The following PCBP4 variants were observed in gnomAD, a reference collection of about 807,000 sequenced individuals.
PCBP4 encodes the protein poly(rC)-binding protein 4.
Under a neutral mutation model 46.2 loss-of-function variants are expected in PCBP4, and 24 were observed. The observed-to-expected ratio is 0.52, with a 90% CI of 0.38 to 0.73. The LOEUF (loss-of-function observed/expected upper bound fraction) is 0.73, where lower values mean the gene tolerates loss of function less well. PCBP4 is among the 30% of genes least tolerant of loss of function. The pLI, the probability that PCBP4 is intolerant of heterozygous loss-of-function variation, is 0.00. For synonymous variants in PCBP4, 203 were observed against 224.4 expected, an observed-to-expected ratio of 0.90 and a Z score of 0.85; for missense variants, 407 against 537.0, an observed-to-expected ratio of 0.76 and a Z score of 2.39.
chr3:51,960,760 G>C lies in PCBP4; in HGVS notation c.138+106C>G. ...AAGGCTCAAAACTGCCACCCTCTGG[G>C]GGACTCACTGGTCAGCCCAGAAGGA... is the stretch of plus-strand genomic sequence containing the variant. On this transcript the variant is annotated intron_variant, in intron 5 of 13. Coordinates refer to ENST00000461554, the MANE Select transcript of PCBP4 (RefSeq NM_001174100.2). This position sits in a 1 kb window ranked among gnomAD's most constrained non-coding sequence, Gnocchi z 5.0. The C allele has an allele frequency of 6.8e-7, 1 of 1,476,556 alleles. No homozygotes were observed. Among genetic ancestry groups the C allele is most frequent in the Non-Finnish European group, 9.5e-7 (1 of 1,055,274 alleles). 91.5% of individuals were successfully genotyped at this position (1,476,556 alleles called of 1,614,324 possible).
chr3:51,960,371 C>A lies in PCBP4; in HGVS notation c.256-51G>T. On this transcript the variant is annotated intron_variant, in intron 6 of 13. Transcript: ENST00000461554. This position sits in a 1 kb window ranked among gnomAD's most constrained non-coding sequence, Gnocchi z 5.0. ...CCATGCTCGTCCCTGCTATATCTGC[C>A]CAGGGGTCAGGAGGGTACCCTTTCC... is the stretch of plus-strand genomic sequence containing the variant. The A allele has an allele frequency of 1.3e-6, 2 of 1,597,274 alleles. No individual in the cohort carries two copies. The highest frequency in any genetic ancestry group is 1.1e-5 in the South Asian group (1 of 88,546).
Position 51,958,496 on chromosome 3 carries a change from G to A in PCBP4, c.924-147C>T. 4.5e-6 allele frequency: 3 copies of A among 664,694 alleles called. No homozygotes were observed. The highest frequency in any genetic ancestry group is 2.8e-5 in the East Asian group (1 of 35,234). The allele number at this position is 664,694 out of a possible 1,614,324, so 41.2% of individuals were successfully genotyped here. On this transcript the variant is annotated intron_variant, in intron 13 of 13. Transcript: ENST00000461554. This position sits in a 1 kb window ranked among gnomAD's most constrained non-coding sequence, Gnocchi z 5.4. ...TAAGGGGAAGATGGGAAAGGTGGAA[G>A]AGGAAGGGAAGAAAGGACAAGCAGA...
In PCBP4 at chr3:51,957,635, A is replaced by T. The variant is rs1699884831; in HGVS notation, c.*426T>A. 2 of 156,266 alleles carry T rather than the reference A, an allele frequency of 1.3e-5. No individual in the cohort carries two copies. The highest frequency in any genetic ancestry group is 4.8e-5 in the African/African-American group (2 of 41,548). The allele number at this position is 156,266 out of a possible 1,614,324, so 9.7% of individuals were successfully genotyped here. A position where few individuals can be genotyped will look rare whatever the true frequency, so the allele number is the denominator to read the frequency against. ...TTCCAGTCAAAAGGGTATCAGTGGA[A>T]GCAGCAAGAAATCTGCAGGTGGTGG... On this transcript the variant is annotated 3_prime_UTR_variant, in exon 14 of 14. Transcript: ENST00000461554.
In PCBP4 at chr3:51,958,038, C is replaced by T; in HGVS notation, c.*23G>A. ...GCCCCCTGCTGGTGGTCCTGCCTGCCCCTGCCTGTACCTCAGCTGGCCTCA... is the reference window on the plus strand; with the variant it reads ...GCCCCCTGCTGGTGGTCCTGCCTGCTCCTGCCTGTACCTCAGCTGGCCTCA... On this transcript the variant is annotated 3_prime_UTR_variant, in exon 14 of 14. Transcript: ENST00000461554. This position sits in a 1 kb window ranked among gnomAD's most constrained non-coding sequence, Gnocchi z 5.4. The T allele has an allele frequency of 6.6e-7, 1 of 1,519,966 alleles. No homozygotes were observed. Among genetic ancestry groups the T allele is most frequent in the South Asian group, 1.3e-5 (1 of 76,256 alleles). The allele number at this position is 1,519,966 out of a possible 1,614,324, so 94.2% of individuals were successfully genotyped here.
In PCBP4 at chr3:51,960,264, C is replaced by G. The variant is rs766624393; in HGVS notation, c.312G>C (p.Leu104=). 2.5e-6 allele frequency: 4 copies of G among 1,614,100 alleles called. No homozygotes were observed. The highest frequency in any genetic ancestry group is 3.4e-6 in the Non-Finnish European group (4 of 1,180,038). Residue 104 remains leucine, a synonymous_variant, in exon 7 of 14, where the codon CTG becomes CTC. Coordinates refer to ENST00000461554, the MANE Select transcript of PCBP4 (RefSeq NM_001174100.2). The surrounding 1 kb of genome is among the most constrained non-coding windows in gnomAD (Gnocchi z 5.0). The part of the protein sequence containing the change: ...GGNVSRPPVT[L]RLVIPASQCG... Reference sequence around the variant, plus strand: ...ACTGACTGGCAGGGATGACAAGGCGCAGGGTCACTGGAGGCCTGGAGACAT... The same window carrying G: ...ACTGACTGGCAGGGATGACAAGGCGGAGGGTCACTGGAGGCCTGGAGACAT...
In PCBP4 at chr3:51,964,935, G is replaced by A. The variant is rs114011542; in HGVS notation, c.-213+2391C>T. Among the ~76,000 whole-genome samples, 682 of 152,320 alleles carry A rather than the reference G, an allele frequency of 4.5e-3. 2 individuals carry two copies. Among genetic ancestry groups the A allele is most frequent in the Middle Eastern group, 0.01 (3 of 294 alleles). Reference sequence around the variant, plus strand: ...GATTCAGATCTGCCACATAGACAAAGTGCCAGGAAGGGAAAGGCAGCTCTG... The same window carrying A: ...GATTCAGATCTGCCACATAGACAAAATGCCAGGAAGGGAAAGGCAGCTCTG... On this transcript the variant is annotated intron_variant, in intron 1 of 13. Coordinates refer to ENST00000461554, the MANE Select transcript of PCBP4 (RefSeq NM_001174100.2).
rs762618578 is a variant in PCBP4, at chr3:51,960,840, G to A, written c.138+26C>T. The A allele has an allele frequency of 6.2e-7, 1 of 1,613,056 alleles. No homozygotes were observed. Among genetic ancestry groups the A allele is most frequent in the East Asian group, 2.2e-5 (1 of 44,866 alleles). ...CTCCCCTCCACATCAGGTGCCCTGG[G>A]CTCCTCCCCCAAACTCCATCCTCAC... On this transcript the variant is annotated intron_variant, in intron 5 of 13. Coordinates refer to ENST00000461554, the MANE Select transcript of PCBP4 (RefSeq NM_001174100.2). This position sits in a 1 kb window ranked among gnomAD's most constrained non-coding sequence, Gnocchi z 5.0.
At chr3:51,961,089 C>T in intron 3 of PCBP4, 56 bp from the exon 4 acceptor site, 1 of 1,614,030 alleles carries the variant, frequency 6.2e-7, no homozygotes, top group Non-Finnish European at 8.5e-7. Flanking sequence ...CCAGCCCCTC[C>T]CCACTGGGAT....
chr3:51,958,470 A>C lies in PCBP4; in HGVS notation c.924-121T>G. Reference sequence around the variant, plus strand: ...AGAGAGAGGTAGTGAACAGAGAACAATAAGGGGAAGATGGGAAAGGTGGAA... The same window carrying C: ...AGAGAGAGGTAGTGAACAGAGAACACTAAGGGGAAGATGGGAAAGGTGGAA... On this transcript the variant is annotated intron_variant, in intron 13 of 13. Coordinates refer to ENST00000461554, the MANE Select transcript of PCBP4 (RefSeq NM_001174100.2). The surrounding 1 kb of genome is among the most constrained non-coding windows in gnomAD (Gnocchi z 5.4). 1.4e-6 allele frequency: 1 copy of C among 711,044 alleles called. No homozygotes were observed. The highest frequency in any genetic ancestry group is 2.2e-6 in the Non-Finnish European group (1 of 450,144). The allele number at this position is 711,044 out of a possible 1,614,324, so 44.0% of individuals were successfully genotyped here.
At position 51,958,965 on chromosome 3, in the gene PCBP4, G is replaced by A; in HGVS notation, c.754-6C>T. The A allele has an allele frequency of 6.2e-7, 1 of 1,613,948 alleles. No individual in the cohort carries two copies. Among genetic ancestry groups the A allele is most frequent in the Non-Finnish European group, 8.5e-7 (1 of 1,179,936 alleles). ...CCGATCACACAGCCAATCAACTAGA[G>A]GGAAGGCAGAATTCAGCCCTGGGTG... On this transcript the variant is annotated splice_polypyrimidine_tract_variant and splice_region_variant and intron_variant, in intron 12 of 13. Coordinates refer to ENST00000461554, the MANE Select transcript of PCBP4 (RefSeq NM_001174100.2). The surrounding 1 kb of genome is among the most constrained non-coding windows in gnomAD (Gnocchi z 5.4).
rs1199413373 is a variant in PCBP4 at position 51,958,426 on chromosome 3, T to C, written c.924-77A>G. 14 of 973,036 alleles carry C rather than the reference T, an allele frequency of 1.4e-5. No homozygotes were observed. The South Asian group carries it at 2.3e-4, about 16-fold the overall frequency. The allele number at this position is 973,036 out of a possible 1,614,324, so 60.3% of individuals were successfully genotyped here. A position where few individuals can be genotyped will look rare whatever the true frequency, so the allele number is the denominator to read the frequency against. ...GGGGCAATGAGGGCAGAGATGGGCA[T>C]GAGATTAGATGAAAGGCAAGAGAGA... On this transcript the variant is annotated intron_variant, in intron 13 of 13. Coordinates refer to ENST00000461554, the MANE Select transcript of PCBP4 (RefSeq NM_001174100.2). The surrounding 1 kb of genome is among the most constrained non-coding windows in gnomAD (Gnocchi z 5.4).
rs766572926 is a variant in PCBP4 at position 51,958,844 on chromosome 3, G to A, written c.869C>T (p.Thr290Ile). Residue 290 changes from threonine (T) to isoleucine (I), a missense_variant, in exon 13 of 14, where the codon ACC becomes ATC. Coordinates refer to ENST00000461554, the MANE Select transcript of PCBP4 (RefSeq NM_001174100.2). The surrounding 1 kb of genome is among the most constrained non-coding windows in gnomAD (Gnocchi z 5.4). ...QAEGAGERHVTITGSPVSIAL... is the reference protein window; with the variant it reads ...QAEGAGERHVIITGSPVSIAL... ...GATGGAGACCGGAGAGCCAGTGATGGTGACATGCCGCTCCCCAGCGCCCTC... is the reference window on the plus strand; with the variant it reads ...GATGGAGACCGGAGAGCCAGTGATGATGACATGCCGCTCCCCAGCGCCCTC... 6.2e-7 allele frequency: 1 copy of A among 1,613,936 alleles called. No individual in the cohort carries two copies. Among genetic ancestry groups the A allele is most frequent in the Non-Finnish European group, 8.5e-7 (1 of 1,179,934 alleles).
intron 1 of PCBP4, among the ~76,000 whole-genome samples, chr3:51,965,528 G>A (rs1700381219): frequency 6.6e-6 from 1 of 152,204 alleles, no homozygotes; most frequent in Non-Finnish European, 1.5e-5. Flanking sequence ...GTCCCCGCTG[G>A]GCATTTCTGA....
At position 51,961,046 on chromosome 3, in the gene PCBP4, CAA is replaced by C. The variant is rs774145445; in HGVS notation, c.82-15_82-14del. 9.9e-6 allele frequency: 16 copies of C among 1,614,222 alleles called. No homozygotes were observed. The South Asian group carries it at 1.4e-4, about 14-fold the overall frequency. ...TGCTGCCCACTTCCTGCGGACAAGA[CAA>C]GAGCCGTCAGATGGGTGCCAGTGCC... On this transcript the variant is annotated splice_polypyrimidine_tract_variant and intron_variant, in intron 3 of 13. Transcript: ENST00000461554.
chr3:51,961,311 G>C lies in PCBP4; in HGVS notation c.-64-7C>G. On this transcript the variant is annotated splice_polypyrimidine_tract_variant and splice_region_variant and intron_variant, in intron 2 of 13. Transcript: ENST00000461554. ...CGCTGCAACCTGGCCGGCTCTGGCA[G>C]GGGCAGCCAAAGAGGGGTTCGAGAG... The C allele has an allele frequency of 1.3e-6, 2 of 1,553,210 alleles. No individual in the cohort carries two copies. Among genetic ancestry groups the C allele is most frequent in the Admixed American group, 3.7e-5 (2 of 54,248 alleles).
chr3:51,961,374 C>A (rs757839366), intron 2 of PCBP4, 70 bp from the exon 3 acceptor site: 1 of 1,443,782 alleles, frequency 6.9e-7, no homozygotes, highest in Non-Finnish European at 9.1e-7. Flanking sequence ...TACATGGGGA[C>A]CCCAGAGCTG....
Position 51,958,743 on chromosome 3 carries a change from A to T in PCBP4, c.923+47T>A, listed in dbSNP as rs562161229. 1.3e-6 allele frequency: 2 copies of T among 1,581,202 alleles called. No individual in the cohort carries two copies. The highest frequency in any genetic ancestry group is 1.7e-6 in the Non-Finnish European group (2 of 1,162,740). On this transcript the variant is annotated intron_variant, in intron 13 of 13. Coordinates refer to ENST00000461554, the MANE Select transcript of PCBP4 (RefSeq NM_001174100.2). This position sits in a 1 kb window ranked among gnomAD's most constrained non-coding sequence, Gnocchi z 5.4. ...CCCCACCCCTGCCTTTCTTGGGCACATGAGAACCGTGACCTGCTCCCCCAC... is the reference window on the plus strand; with the variant it reads ...CCCCACCCCTGCCTTTCTTGGGCACTTGAGAACCGTGACCTGCTCCCCCAC...
chr3:51,958,779 C>A lies in PCBP4; in HGVS notation c.923+11G>T, dbSNP rs367717374. 1 of 1,607,298 alleles carries A rather than the reference C, an allele frequency of 6.2e-7. No individual in the cohort carries two copies. Among genetic ancestry groups the A allele is most frequent in the East Asian group, 2.2e-5 (1 of 44,670 alleles). On this transcript the variant is annotated intron_variant, in intron 13 of 13. Coordinates refer to ENST00000461554, the MANE Select transcript of PCBP4 (RefSeq NM_001174100.2). This position sits in a 1 kb window ranked among gnomAD's most constrained non-coding sequence, Gnocchi z 5.4. ...GACCTGCTCCCCCACTGCCGCCCAG[C>A]CCGCGCTCACCAGGCAGTGATGAGG... is the stretch of plus-strand genomic sequence containing the variant.
At chr3:51,965,414 T>G (rs147621893) in intron 1 of PCBP4, among the ~76,000 whole-genome samples, 1 of 152,202 alleles carries the variant, frequency 6.6e-6, no homozygotes, top group Non-Finnish European at 1.5e-5. Flanking sequence ...GTCAAAATCC[T>G]TCTCAAACGC....
Sources: gnomAD v4.1 joint callset for allele counts (sites outside exome capture counted in the v4.1 genomes callset) on GRCh38, gnomAD v4.1.1 for gene constraint, Gnocchi (gnomAD v3.1) non-coding constraint, MANE v1.5 for transcripts, NCBI Gene and HGNC (gene_info 2026-07-23, HGNC 2026-07-21) for gene names.